SLC25A26: variants seen among roughly 807,000 people sequenced by gnomAD.
SLC25A26 encodes the protein mitochondrial S-adenosylmethionine carrier protein.
In SLC25A26, 36 loss-of-function variants were observed where a neutral mutation model predicts 37.8. The ratio of observed to expected loss-of-function variants is 0.95; its 90% CI spans 0.73 to 1.26. SLC25A26 has a LOEUF of 1.26. Among genes scored for constraint, SLC25A26 ranks in the 50% most tolerant of loss-of-function variants. SLC25A26 has a pLI of 0.00. For missense variants in SLC25A26, 390 were observed against 331.1 expected (o/e 1.18, Z -1.38); for synonymous variants, 129 against 122.5 (o/e 1.05, Z -0.35).
At chr3:66,307,660 T>G (rs1039058027) in intron 5 of SLC25A26, among the ~76,000 whole-genome samples, 2 of 152,008 alleles carry the variant, frequency 1.3e-5, no homozygotes, top group African/African-American at 4.8e-5. Context: ...GTCTTACATC[T>G]TGAGTTAATT....
At chr3:66,358,799 A>G (rs868758694) in intron 6 of SLC25A26, among the ~76,000 whole-genome samples, 9 of 152,316 alleles carry the variant, frequency 5.9e-5, no homozygotes, top group Middle Eastern at 6.8e-3. Flanking sequence ...TGTCTATAAA[A>G]TGACAAGATA....
intron 2 of SLC25A26, among the ~76,000 whole-genome samples, chr3:66,237,203 A>G (rs938007595): frequency 8.6e-5 from 13 of 150,666 alleles, no homozygotes; most frequent in East Asian, 5.8e-4. Context: ...TGTAGTAGGG[A>G]AAAAAAAAGC....
rs782151952 is a variant in SLC25A26, at chr3:66,221,116, G to A, written c.22G>A (p.Ala8Thr). ...GACCATGGACCGGCCGGGGTTCGTG[G>A]CAGCGCTGGTGGTGAGTGCGGGGCG... MDRPGFVAALVAGGVAGV... is the reference protein window; with the variant it reads MDRPGFVTALVAGGVAGV... Residue 8 changes from alanine to threonine, a missense_variant, in exon 1 of 10, where the codon GCA becomes ACA. By Grantham distance (58) the Ala-to-Thr change is moderately conservative. Transcript: ENST00000354883. 1 of 1,530,818 alleles carries A rather than the reference G, an allele frequency of 6.5e-7. No homozygotes were observed. The highest frequency in any genetic ancestry group is 1.2e-5 in the South Asian group (1 of 83,794). The allele number at this position is 1,530,818 out of a possible 1,614,324, so 94.8% of individuals were successfully genotyped here.
intron 5 of SLC25A26, among the ~76,000 whole-genome samples, chr3:66,331,449 C>T (rs1055825696): frequency 1.4e-4 from 22 of 152,232 alleles, no homozygotes; most frequent in African/African-American, 5.1e-4. Context: ...CCTTTTAAAT[C>T]TCATTTCCAT....
At chr3:66,262,281 A>G (rs192056788) in intron 4 of SLC25A26, 126 bp downstream of exon 4, 11 of 475,608 alleles carry the variant, frequency 2.3e-5, no homozygotes, top group African/African-American at 2.0e-4. Context: ...GTCCAGTTAT[A>G]GTAAATTTTT....
At chr3:66,237,168 G>A (rs1384439032) in intron 2 of SLC25A26, among the ~76,000 whole-genome samples, 1 of 151,934 alleles carries the variant, frequency 6.6e-6, no homozygotes, top group Non-Finnish European at 1.5e-5. Context: ...ATCAGATAGT[G>A]TTATAGATTC....
At chr3:66,163,469 C>G (rs2070387030) in intron 1 of SLC25A26, among the ~76,000 whole-genome samples, 1 of 152,178 alleles carries the variant, frequency 6.6e-6, no homozygotes, top group South Asian at 2.1e-4. Flanking sequence ...TGTCTGGACT[C>G]TGGATACCAT....
intron 1 of SLC25A26, among the ~76,000 whole-genome samples, chr3:66,169,385 C>T (rs1358976044): frequency 6.6e-6 from 1 of 152,184 alleles, no homozygotes; most frequent in Non-Finnish European, 1.5e-5. Flanking sequence ...GGGCTTTGCA[C>T]TTGCCATTTC....
intron 6 of SLC25A26, among the ~76,000 whole-genome samples, chr3:66,357,915 G>C (rs938803178): frequency 1.3e-5 from 2 of 152,136 alleles, no homozygotes; most frequent in Non-Finnish European, 2.9e-5. Flanking sequence ...AAATCTCCTA[G>C]AACTTGCCCC....
At chr3:66,178,519 T>C (rs1016120890) in intron 1 of SLC25A26, among the ~76,000 whole-genome samples, 1 of 152,138 alleles carries the variant, frequency 6.6e-6, no homozygotes, top group African/African-American at 2.4e-5. Flanking sequence ...TACATTTATA[T>C]TGGCTTCCAC....
intron 5 of SLC25A26, among the ~76,000 whole-genome samples, chr3:66,343,446 G>C (rs1449137743): frequency 1.3e-5 from 2 of 152,184 alleles, no homozygotes; most frequent in African/African-American, 4.8e-5. Context: ...TAAAGCTGGG[G>C]TTTACTGTCG....
At chr3:66,253,864 T>C (rs1200292552) in intron 3 of SLC25A26, among the ~76,000 whole-genome samples, 1 of 152,174 alleles carries the variant, frequency 6.6e-6, no homozygotes, top group East Asian at 1.9e-4. Context: ...CATGGCTCAT[T>C]TCTGTTATGG....
intron 1 of SLC25A26, 72 bp from the exon 2 acceptor site, chr3:66,236,472 C>T: frequency 4.8e-6 from 6 of 1,257,398 alleles, no homozygotes; most frequent in East Asian, 2.6e-5. Flanking sequence ...CTATCTTCGC[C>T]CCCAAGTGGC....
Position 66,221,102 on chromosome 3 carries a change from G to A in SLC25A26, c.8G>A (p.Arg3Gln). Residue 3 changes from arginine (R) to glutamine (Q), a missense_variant, in exon 1 of 10, where the codon CGG (arginine) becomes CAG (glutamine). Transcript: ENST00000354883. ...GACGAGGTCTGAGCGACCATGGACC[G>A]GCCGGGGTTCGTGGCAGCGCTGGTG... MD[R>Q]PGFVAALVAG... is the part of the protein sequence containing the mutation. 2 of 1,532,686 alleles carry A rather than the reference G, an allele frequency of 1.3e-6. No homozygotes were observed. Among genetic ancestry groups the A allele is most frequent in the Non-Finnish European group, 1.7e-6 (2 of 1,144,808 alleles). 94.9% of individuals were successfully genotyped at this position (1,532,686 alleles called of 1,614,324 possible).
chr3:66,253,362 A>C (rs1300481458), intron 3 of SLC25A26, among the ~76,000 whole-genome samples: 9 of 151,190 alleles, frequency 6.0e-5, no homozygotes, highest in Admixed American at 5.9e-4. Flanking sequence ...AGATCGCGCC[A>C]CTGCACTCCA....
intron 5 of SLC25A26, among the ~76,000 whole-genome samples, chr3:66,306,228 C>T (rs1003049471): frequency 2.6e-5 from 4 of 152,234 alleles, no homozygotes; most frequent in African/African-American, 7.2e-5. Context: ...GATTCACCCA[C>T]CTTGGCCTCC....
chr3:66,308,638 T>G (rs1025351844), intron 5 of SLC25A26, among the ~76,000 whole-genome samples: 1 of 152,232 alleles, frequency 6.6e-6, no homozygotes, highest in Non-Finnish European at 1.5e-5. Context: ...GGCTATGAGT[T>G]TGTCATAACT....
At chr3:66,354,157 ATTT>A (rs547819510) in intron 6 of SLC25A26, among the ~76,000 whole-genome samples, 1 of 145,354 alleles carries the variant, frequency 6.9e-6, no homozygotes, top group Non-Finnish European at 1.5e-5. Flanking sequence ...GTGAGAATGC[ATTT>A]TTTTTTTTTT....
intron 5 of SLC25A26, among the ~76,000 whole-genome samples, chr3:66,328,204 T>A (rs2075885434): frequency 6.6e-6 from 1 of 152,168 alleles, no homozygotes; most frequent in Admixed American, 6.5e-5. Context: ...ATGCATTCTT[T>A]TGTAATGATA....
Sources: allele counts gnomAD v4.1 joint callset (sites outside exome capture counted in the v4.1 genomes callset), GRCh38; gene constraint gnomAD v4.1.1; transcripts MANE v1.5; gene names NCBI Gene and HGNC (gene_info 2026-07-23, HGNC 2026-07-21).